Variants in ARHGEF28 observed in about 807,000 individuals in gnomAD.
ARHGEF28 encodes 190 kDa guanine nucleotide exchange factor.
Under a neutral mutation model 206.6 loss-of-function variants are expected in ARHGEF28, and 152 were observed. That is an observed-to-expected ratio of 0.74 (90% CI 0.64 to 0.84). The LOEUF is 0.84. Among genes scored for constraint, ARHGEF28 ranks in the 40% least tolerant of loss-of-function variants. The probability of loss-of-function intolerance (pLI) is 0.00; values close to 1 mark genes in which losing one functional copy is unlikely to be tolerated. For missense variants in ARHGEF28, 2,028 were observed against 2,073.2 expected (o/e 0.98, Z 0.42); for synonymous variants, 763 against 776.4 (o/e 0.98, Z 0.29).
At chr5:73,741,577 G>A (rs1275027612) in intron 2 of ARHGEF28, among the ~76,000 whole-genome samples, 1 of 150,820 alleles carries the variant, frequency 6.6e-6, no homozygotes, top group Admixed American at 6.6e-5. Flanking sequence ...GCGCCACCAA[G>A]CCCAGCTAAT....
chr5:73,886,842 A>G (rs1761331952), intron 25 of ARHGEF28, among the ~76,000 whole-genome samples: 1 of 152,218 alleles, frequency 6.6e-6, no homozygotes, highest in Non-Finnish European at 1.5e-5. Context: ...CCCAAGTGAG[A>G]CTACTCTGCA....
In ARHGEF28 at chr5:73,894,532, G is replaced by A; in HGVS notation, c.3798G>A (p.Glu1266=). The part of the protein sequence containing the change: ...PHLLIKPDPG[E]PPQAASLLAA... ...TCCTTATTAAACCTGACCCAGGCGAGCCTCCCCAGGCAGCCTCATTACTGG... is the reference window on the plus strand; with the variant it reads ...TCCTTATTAAACCTGACCCAGGCGAACCTCCCCAGGCAGCCTCATTACTGG... The change falls in exon 29 of 36, where the codon GAG becomes GAA. Residue 1266 remains glutamate (E), a synonymous_variant. Transcript: ENST00000513042. 7 of 1,613,908 alleles carry A rather than the reference G, an allele frequency of 4.3e-6. No individual in the cohort carries two copies. Among genetic ancestry groups the A allele is most frequent in the Non-Finnish European group, 5.9e-6 (7 of 1,179,872 alleles).
intron 35 of ARHGEF28, among the ~76,000 whole-genome samples, chr5:73,936,962 A>C (rs1025731986): frequency 6.6e-6 from 1 of 152,210 alleles, no homozygotes; most frequent in African/African-American, 2.4e-5. Context: ...TTGGCTCAAA[A>C]GAATGATGAT....
At chr5:73,853,737 C>T (rs1232050442) in intron 14 of ARHGEF28, among the ~76,000 whole-genome samples, 1 of 152,112 alleles carries the variant, frequency 6.6e-6, no homozygotes, top group Non-Finnish European at 1.5e-5. Context: ...AAGCAGTTTA[C>T]ATTTATTATC....
At chr5:73,776,471 G>T in intron 5 of ARHGEF28, 45 bp from the exon 6 acceptor site, 1 of 1,534,668 alleles carries the variant, frequency 6.5e-7, no homozygotes, top group Non-Finnish European at 8.8e-7. Flanking sequence ...TCCTGGGGCT[G>T]GTGTCTTTGA....
intron 2 of ARHGEF28, among the ~76,000 whole-genome samples, chr5:73,732,434 A>G (rs996816896): frequency 5.3e-5 from 8 of 152,056 alleles, no homozygotes; most frequent in African/African-American, 1.7e-4. Context: ...TGCTAACGCT[A>G]ATACCATCAA....
At chr5:73,883,937 C>A in intron 24 of ARHGEF28, 53 bp downstream of exon 24, 1 of 1,148,810 alleles carries the variant, frequency 8.7e-7, no homozygotes, top group Non-Finnish European at 1.2e-6. Flanking sequence ...GTTTTAAACA[C>A]AGTTGAGGTG....
At chr5:73,720,599 G>A (rs936380771) in intron 2 of ARHGEF28, among the ~76,000 whole-genome samples, 87 of 152,126 alleles carry the variant, frequency 5.7e-4, no homozygotes, top group Admixed American at 5.6e-3. Context: ...GGTAAAATTC[G>A]ACAAGTTGGA....
intron 1 of ARHGEF28, among the ~76,000 whole-genome samples, chr5:73,656,387 G>T (rs1207127341): frequency 6.6e-6 from 1 of 152,206 alleles, no homozygotes; most frequent in East Asian, 1.9e-4. Flanking sequence ...TGTACCATCT[G>T]TGTCATTCCC....
chr5:73,911,258 T>C lies in ARHGEF28; in HGVS notation c.4648-17T>C. ...GTTAGAAAAATTATTGTACTTTTCC[T>C]CTGTTTCTTTACACAGGTAATGGAA... On this transcript the variant is annotated splice_polypyrimidine_tract_variant and intron_variant, in intron 34 of 35. Transcript: ENST00000513042. 6.4e-7 allele frequency: 1 copy of C among 1,551,284 alleles called. No individual in the cohort carries two copies. Among genetic ancestry groups the C allele is most frequent in the Non-Finnish European group, 8.7e-7 (1 of 1,143,882 alleles).
intron 16 of ARHGEF28, 148 bp downstream of exon 16, chr5:73,858,367 T>C: frequency 9.3e-7 from 1 of 1,074,532 alleles, no homozygotes; most frequent in South Asian, 2.2e-5. Flanking sequence ...CTGATACTGG[T>C]TAGAGTCAGT....
At chr5:73,687,765 AC>A (rs1002530285) in intron 2 of ARHGEF28, among the ~76,000 whole-genome samples, 59 of 152,092 alleles carry the variant, frequency 3.9e-4, no homozygotes, top group African/African-American at 1.4e-3. Context: ...TTAGAAAGAG[AC>A]CCAGCAAAAA....
chr5:73,678,477 G>T (rs1036637241), intron 1 of ARHGEF28, among the ~76,000 whole-genome samples: 6 of 152,176 alleles, frequency 3.9e-5, no homozygotes, highest in African/African-American at 1.4e-4. Flanking sequence ...CTTTTGCTGA[G>T]ATCATAGTAT....
At chr5:73,785,865 G>A (rs772281927) in intron 7 of ARHGEF28, among the ~76,000 whole-genome samples, 16 of 152,028 alleles carry the variant, frequency 1.1e-4, no homozygotes, top group Admixed American at 2.0e-4. Context: ...GGAGGCAGCC[G>A]CTCTCACCGG....
At chr5:73,699,991 GC>G (rs1351515378) in intron 2 of ARHGEF28, among the ~76,000 whole-genome samples, 3 of 152,072 alleles carry the variant, frequency 2.0e-5, no homozygotes, top group Non-Finnish European at 4.4e-5. Context: ...ATCACTTCTA[GC>G]CAATGAAAAA....
chr5:73,683,181 T>G (rs1297891693), intron 1 of ARHGEF28, among the ~76,000 whole-genome samples: 6 of 152,198 alleles, frequency 3.9e-5, no homozygotes, highest in African/African-American at 9.7e-5. Context: ...TACTTTTAAA[T>G]TTTTAACTGT....
rs369969952 is a variant in ARHGEF28, at chr5:73,648,723, C to T, written c.-12+22401C>T. ...CCCTGAGATATCACAGCCCTTCTCT[C>T]AAGAATGAAGAGCAGTGAGGTGAGG... On this transcript the variant is annotated intron_variant, in intron 1 of 35. Coordinates refer to ENST00000513042, the MANE Select transcript of ARHGEF28 (RefSeq NM_001177693.2). Among the ~76,000 whole-genome samples the T allele has an allele frequency of 7.2e-5, 11 of 152,240 alleles. No homozygotes were observed. The East Asian group carries it at 1.2e-3, about 16-fold the overall frequency.
intron 1 of ARHGEF28, among the ~76,000 whole-genome samples, chr5:73,658,933 T>C (rs1328293842): frequency 1.3e-5 from 2 of 149,084 alleles, no homozygotes; most frequent in South Asian, 2.1e-4. Flanking sequence ...ATAGACCACA[T>C]ACCTAGACAG....
intron 2 of ARHGEF28, among the ~76,000 whole-genome samples, chr5:73,699,969 GA>G (rs1748494136): frequency 6.6e-6 from 1 of 152,136 alleles, no homozygotes; most frequent in African/African-American, 2.4e-5. Flanking sequence ...CTCATCAGTA[GA>G]ATCTATTTTG....
Sources: allele counts gnomAD v4.1 joint callset (sites outside exome capture counted in the v4.1 genomes callset), GRCh38; gene constraint gnomAD v4.1.1; transcripts MANE v1.5; gene names NCBI Gene and HGNC (gene_info 2026-07-23, HGNC 2026-07-21).